The following SYT1 variants were observed in gnomAD, a reference collection of about 807,000 sequenced individuals.
The protein encoded by SYT1 is synaptotagmin-1.
In SYT1, 8 loss-of-function variants were observed where a neutral mutation model predicts 44.8. The observed-to-expected ratio is 0.18, with a 90% CI of 0.10 to 0.32. The LOEUF (loss-of-function observed/expected upper bound fraction) is 0.32. Among genes scored for constraint, SYT1 ranks in the 10% least tolerant of loss-of-function variants. SYT1 has a pLI of 1.00. For synonymous variants in SYT1, 154 were observed against 188.8 expected (o/e 0.82, Z 1.51); for missense variants, 286 against 509.3 (o/e 0.56, Z 4.22).
rs1341502591 is a variant in SYT1 at position 79,450,870 on chromosome 12, T to TTATC, written c.*1747_*1750dup. On this transcript the variant is annotated 3_prime_UTR_variant, in exon 11 of 11. Transcript: ENST00000261205. ...AACCATTTCGTGGAAGGGCAGCCTA[T>TTATC]TATCCCACACTGCATCTAGCCTTTT... is the stretch of plus-strand genomic sequence containing the variant. The TTATC allele has an allele frequency of 1.3e-5, 2 of 152,690 alleles. No individual in the cohort carries two copies. Among genetic ancestry groups the TTATC allele is most frequent in the Non-Finnish European group, 2.9e-5 (2 of 68,052 alleles). The allele number at this position is 152,690 out of a possible 1,614,324, so 9.5% of individuals were successfully genotyped here.
chr12:79,109,648 T>G (rs775468240), intron 3 of SYT1, among the ~76,000 whole-genome samples: 2 of 152,200 alleles, frequency 1.3e-5, no homozygotes, highest in Non-Finnish European at 2.9e-5. Context: ...AGAGATTAAG[T>G]ATTTACAGTT....
intron 3 of SYT1, among the ~76,000 whole-genome samples, chr12:79,066,380 G>A (rs117373868): frequency 1.3e-5 from 2 of 151,464 alleles, no homozygotes; most frequent in Non-Finnish European, 2.9e-5. Context: ...CTGCAACACC[G>A]AACTTTTATA....
chr12:78,954,033 C>A (rs897652714), intron 1 of SYT1, among the ~76,000 whole-genome samples: 1 of 152,038 alleles, frequency 6.6e-6, no homozygotes, highest in Admixed American at 6.6e-5. Flanking sequence ...AATTCTTGGA[C>A]TACTTAGAGA....
At chr12:79,230,395 G>T (rs1179998842) in intron 4 of SYT1, among the ~76,000 whole-genome samples, 2 of 151,940 alleles carry the variant, frequency 1.3e-5, no homozygotes, top group Non-Finnish European at 2.9e-5. Flanking sequence ...TACTGAAATA[G>T]AATTTTTTAA....
At chr12:79,392,726 T>G (rs1884706860) in intron 9 of SYT1, 1 of 151,818 alleles carries the variant, frequency 6.6e-6, no homozygotes, top group African/African-American at 2.4e-5. Flanking sequence ...GTATATGTAT[T>G]GTAACCATGT....
chr12:79,376,433 G>T (rs1883998298), intron 9 of SYT1, among the ~76,000 whole-genome samples: 1 of 152,170 alleles, frequency 6.6e-6, no homozygotes, highest in Non-Finnish European at 1.5e-5. Context: ...TCATGGTACT[G>T]GTGGGAGTGT....
intron 3 of SYT1, among the ~76,000 whole-genome samples, chr12:79,196,149 CTGTTGTTGTTGTTGTTGT>C (rs58474358): frequency 1.1e-4 from 13 of 118,692 alleles, no homozygotes. Flanking sequence ...ATTTCTAATT[CTGTTGTTGTTGTTGTTGT>C]TGTTGTTGTT....
At chr12:79,087,298 T>C (rs1877450071) in intron 3 of SYT1, among the ~76,000 whole-genome samples, 1 of 152,138 alleles carries the variant, frequency 6.6e-6, no homozygotes, top group African/African-American at 2.4e-5. Flanking sequence ...TTATCACAAG[T>C]CTCTTATGGA....
intron 3 of SYT1, among the ~76,000 whole-genome samples, chr12:79,140,111 G>A (rs946704343): frequency 6.6e-6 from 1 of 152,208 alleles, no homozygotes; most frequent in Non-Finnish European, 1.5e-5. Context: ...CGCTTCATCT[G>A]AGAAGACCAT....
intron 4 of SYT1, among the ~76,000 whole-genome samples, chr12:79,284,787 C>T (rs1879225143): frequency 2.0e-5 from 3 of 149,760 alleles, no homozygotes; most frequent in South Asian, 2.1e-4. Flanking sequence ...TGCAGTGAGC[C>T]GAGATCGTGC....
intron 3 of SYT1, among the ~76,000 whole-genome samples, chr12:79,108,740 C>T (rs965975501): frequency 1.3e-5 from 2 of 152,062 alleles, no homozygotes; most frequent in African/African-American, 4.8e-5. Flanking sequence ...ATGCAGCAAG[C>T]TAGAACTTTT....
At chr12:79,446,050 G>A (rs1276615862) in intron 10 of SYT1, among the ~76,000 whole-genome samples, 4 of 94,304 alleles carry the variant, frequency 4.2e-5, no homozygotes, top group Non-Finnish European at 8.3e-5. Context: ...CTAGGTCCAA[G>A]TTAACCACTT....
chr12:79,255,698 G>A (rs1160253378), intron 4 of SYT1, among the ~76,000 whole-genome samples: 1 of 152,172 alleles, frequency 6.6e-6, no homozygotes, highest in East Asian at 1.9e-4. Flanking sequence ...TTTCATAAGA[G>A]TAATGGCCTT....
chr12:79,071,744 A>G (rs1876292835), intron 3 of SYT1, among the ~76,000 whole-genome samples: 2 of 152,118 alleles, frequency 1.3e-5, no homozygotes, highest in Admixed American at 6.6e-5. Context: ...CTGTCTTCAC[A>G]TGGCTGTCTT....
At chr12:79,363,184 T>TA (rs1473279793) in intron 9 of SYT1, among the ~76,000 whole-genome samples, 2 of 152,216 alleles carry the variant, frequency 1.3e-5, no homozygotes, top group East Asian at 3.9e-4. Context: ...CTGGGAGGAA[T>TA]AGAGTCCCCA....
chr12:79,138,353 A>G (rs1242212304), intron 3 of SYT1, among the ~76,000 whole-genome samples: 1 of 152,236 alleles, frequency 6.6e-6, no homozygotes, highest in Non-Finnish European at 1.5e-5. Context: ...TATATTTTTA[A>G]TCTCCATGAA....
chr12:79,376,568 T>C (rs542112470), intron 9 of SYT1, among the ~76,000 whole-genome samples: 14 of 152,300 alleles, frequency 9.2e-5, no homozygotes, highest in African/African-American at 3.1e-4. Flanking sequence ...GCTGACCTCC[T>C]TTCTCATCCT....
intron 6 of SYT1, among the ~76,000 whole-genome samples, chr12:79,293,044 G>C (rs1411838998): frequency 6.6e-6 from 1 of 151,874 alleles, no homozygotes. Flanking sequence ...AGGGTGCAGT[G>C]GCTCAGGCCT....
intron 3 of SYT1, among the ~76,000 whole-genome samples, chr12:79,090,998 C>T (rs966279551): frequency 7.2e-5 from 11 of 151,776 alleles, no homozygotes; most frequent in East Asian, 1.9e-4. Flanking sequence ...TCAGAGAAAC[C>T]GTCTGCCTGC....
Sources: allele counts gnomAD v4.1 joint callset (sites outside exome capture counted in the v4.1 genomes callset), GRCh38; gene constraint gnomAD v4.1.1; transcripts MANE v1.5; gene names NCBI Gene and HGNC (gene_info 2026-07-23, HGNC 2026-07-21).